Variants in ALK observed in about 807,000 individuals in gnomAD.
ALK encodes ALK tyrosine kinase receptor.
In ALK, 74 loss-of-function variants were observed where a neutral mutation model predicts 163.1. That is an observed-to-expected ratio of 0.45 (90% confidence interval 0.38 to 0.55). ALK has a LOEUF of 0.55. Ranked by LOEUF, ALK falls within the 20% of genes least tolerant of loss-of-function variation. ALK has a pLI of 0.00. For synonymous variants in ALK, 960 were observed against 843.2 expected (o/e 1.14, Z -2.40); for missense variants, 2,063 against 2,105.3 (o/e 0.98, Z 0.39).
At chr2:29,406,597 TC>T (rs1243801939) in intron 4 of ALK, among the ~76,000 whole-genome samples, 1 of 152,122 alleles carries the variant, frequency 6.6e-6, no homozygotes, top group Non-Finnish European at 1.5e-5. Flanking sequence ...TCATGGATTT[TC>T]TGTATTAGAA....
chr2:29,776,164 T>A (rs1402373079), intron 1 of ALK, among the ~76,000 whole-genome samples: 1 of 147,398 alleles, frequency 6.8e-6, no homozygotes, highest in Non-Finnish European at 1.5e-5. Context: ...GGAAGAAGCA[T>A]GACATATGTA....
intron 4 of ALK, among the ~76,000 whole-genome samples, chr2:29,390,210 G>A (rs1669130565): frequency 6.6e-6 from 1 of 152,104 alleles, no homozygotes; most frequent in Admixed American, 6.5e-5. Context: ...ACATGGCTGG[G>A]GACCTGAAGC....
At chr2:29,662,964 G>C (rs1364611896) in intron 3 of ALK, among the ~76,000 whole-genome samples, 1 of 152,038 alleles carries the variant, frequency 6.6e-6, no homozygotes, top group East Asian at 1.9e-4. Flanking sequence ...TAGATAGTAG[G>C]GACTCAAGAG....
chr2:29,769,868 G>T (rs546629807), intron 1 of ALK, among the ~76,000 whole-genome samples: 2 of 152,322 alleles, frequency 1.3e-5, no homozygotes, highest in East Asian at 3.9e-4. Context: ...CCAATTGATT[G>T]AACAGTGATC....
chr2:29,324,165 T>C (rs907765214), intron 6 of ALK, among the ~76,000 whole-genome samples: 3 of 152,150 alleles, frequency 2.0e-5, no homozygotes. Context: ...GGTCAATCAA[T>C]CCTGCAACAT....
In ALK at chr2:29,861,240, T is replaced by C. The variant is rs377343547; in HGVS notation, c.667+58753A>G. 7.2e-5 allele frequency among the ~76,000 whole-genome samples: 11 copies of C among 152,038 alleles called. 1 individual carries two copies. Among genetic ancestry groups the C allele is most frequent in the African/African-American group, 2.7e-4 (11 of 41,480 alleles). On this transcript the variant is annotated intron_variant, in intron 1 of 28. Coordinates refer to ENST00000389048, the MANE Select transcript of ALK (RefSeq NM_004304.5). ...AAACTAACATCAGATCTCAAGGAGC[T>C]AAAAATAGAAGAACAAACTAAGCCC...
At chr2:29,250,965 T>A in intron 12 of ALK, 140 bp downstream of exon 12, 1 of 772,126 alleles carries the variant, frequency 1.3e-6, no homozygotes, top group Admixed American at 2.8e-5. Context: ...CTCCAACCTT[T>A]ATACCCCCTA....
chr2:29,842,929 T>C (rs1041010511), intron 1 of ALK, among the ~76,000 whole-genome samples: 1 of 151,914 alleles, frequency 6.6e-6, no homozygotes, highest in African/African-American at 2.4e-5. Context: ...TGAAAGGAAG[T>C]GGAGGTTGGA....
intron 13 of ALK, among the ~76,000 whole-genome samples, chr2:29,236,477 C>G (rs893811097): frequency 2.0e-5 from 3 of 152,166 alleles, no homozygotes; most frequent in African/African-American, 7.2e-5. Flanking sequence ...CTACTTTGTG[C>G]CATCCCTGTT....
At chr2:29,859,845 G>A (rs1028414216) in intron 1 of ALK, among the ~76,000 whole-genome samples, 49 of 152,134 alleles carry the variant, frequency 3.2e-4, no homozygotes, top group African/African-American at 1.1e-3. Flanking sequence ...TATGAGGCTC[G>A]GAAGATGTGA....
chr2:29,214,354 G>A (rs1039026210), intron 23 of ALK, among the ~76,000 whole-genome samples: 2 of 152,114 alleles, frequency 1.3e-5, no homozygotes, highest in African/African-American at 4.8e-5. Flanking sequence ...GCGAAGGCTC[G>A]GAACACCCAG....
intron 13 of ALK, among the ~76,000 whole-genome samples, chr2:29,236,017 A>ATTTTTT (rs771017409): frequency 5.9e-4 from 74 of 126,222 alleles, no homozygotes; most frequent in Non-Finnish European, 1.1e-3. Flanking sequence ...TAATTTTTGT[A>ATTTTTT]TTTTTTTTTT....
In ALK at chr2:29,830,944, AAAGAAGAAGAAAAGAAGAAGAAG is replaced by A. The variant is rs1665360982; in HGVS notation, c.667+89026_667+89048del. 1.1e-4 allele frequency among the ~76,000 whole-genome samples: 5 copies of A among 47,610 alleles called. 1 individual carries two copies. Among genetic ancestry groups the A allele is most frequent in the African/African-American group, 1.7e-4 (2 of 11,742 alleles). 31.2% of individuals were successfully genotyped at this position (47,610 alleles called of 152,430 possible). ...GAAGAAAAGAAGAAGAAGAAGAAGA[AAAGAAGAAGAAAAGAAGAAGAAG>A]AAGAAGAAGAAGAAGAAGAAGAAGA... On this transcript the variant is annotated intron_variant, in intron 1 of 28. Coordinates refer to ENST00000389048, the MANE Select transcript of ALK (RefSeq NM_004304.5).
intron 1 of ALK, among the ~76,000 whole-genome samples, chr2:29,815,012 G>A (rs911363525): frequency 6.8e-6 from 1 of 148,012 alleles, no homozygotes; most frequent in Non-Finnish European, 1.5e-5. Context: ...ATGAGTGGAC[G>A]GACTCGGCCT....
chr2:29,852,919 T>C (rs541901039), intron 1 of ALK, among the ~76,000 whole-genome samples: 1 of 151,870 alleles, frequency 6.6e-6, no homozygotes, highest in African/African-American at 2.4e-5. Flanking sequence ...ATCTGCTAAG[T>C]AGGAAGCAGC....
intron 3 of ALK, among the ~76,000 whole-genome samples, chr2:29,533,248 C>T (rs1480316973): frequency 2.6e-5 from 4 of 152,184 alleles, no homozygotes; most frequent in Non-Finnish European, 2.9e-5. Context: ...TGATCTACAA[C>T]TGTCATAAAT....
intron 11 of ALK, among the ~76,000 whole-genome samples, chr2:29,270,535 G>A (rs1049261748): frequency 5.9e-5 from 9 of 152,198 alleles, no homozygotes; most frequent in Non-Finnish European, 1.2e-4. Flanking sequence ...CTTTCCTTGA[G>A]GGATGGTTAA....
At chr2:29,225,257 C>T (rs906266530) in intron 19 of ALK, among the ~76,000 whole-genome samples, 2 of 152,198 alleles carry the variant, frequency 1.3e-5, no homozygotes, top group Admixed American at 6.5e-5. Context: ...ATCAGGGGCT[C>T]CTCAGGGAAC....
chr2:29,752,459 C>T (rs1283737270), intron 1 of ALK, among the ~76,000 whole-genome samples: 1 of 150,538 alleles, frequency 6.6e-6, no homozygotes, highest in African/African-American at 2.4e-5. Context: ...ACGCCATTCT[C>T]CTGCCTCAGC....
Sources: allele counts gnomAD v4.1 joint callset (sites outside exome capture counted in the v4.1 genomes callset), GRCh38; gene constraint gnomAD v4.1.1; transcripts MANE v1.5; gene names NCBI Gene and HGNC (gene_info 2026-07-23, HGNC 2026-07-21).